The following KNDC1 variants were observed in gnomAD, a reference collection of about 807,000 sequenced individuals.
KNDC1 encodes kinase non-catalytic C-lobe domain containing 1.
Under a neutral mutation model 172.8 loss-of-function variants are expected in KNDC1, and 106 were observed. The observed-to-expected ratio is 0.61, with a 90% CI of 0.52 to 0.72. KNDC1 has a LOEUF of 0.72. KNDC1 is among the 30% of genes least tolerant of loss of function. The probability of loss-of-function intolerance (pLI) is 0.00; values close to 1 mark genes in which losing one functional copy is unlikely to be tolerated. For synonymous variants in KNDC1, 1,083 were observed against 1,062.2 expected (o/e 1.02, Z -0.38); for missense variants, 2,325 against 2,394.5 (o/e 0.97, Z 0.61).
chr10:133,179,817 G>A (rs1434819923), intron 3 of KNDC1, among the ~76,000 whole-genome samples: 3 of 152,052 alleles, frequency 2.0e-5, no homozygotes, highest in African/African-American at 7.2e-5. Context: ...CCGGCTCCCC[G>A]TCGCCCTGTG....
chr10:133,219,853 C>A, intron 28 of KNDC1, 102 bp from the exon 29 acceptor site: 1 of 1,196,480 alleles, frequency 8.4e-7, no homozygotes. Context: ...GTGGAGAACG[C>A]AGGACCCGCT....
rs752992894 is a variant in KNDC1 at position 133,206,759 on chromosome 10, G to A, written c.3462G>A (p.Gln1154=). Residue 1154 remains glutamine, a synonymous_variant, in exon 18 of 30, where the codon CAG becomes CAA. Transcript: ENST00000304613. ...TGAAGTTCTACCAGAAACTCTTACA[G>A]AAGGAAAAGAGGAACAAAGGTAAGG... ...KTLKFYQKLL[Q]KEKRNKGSDV... is the part of the protein sequence containing the mutation. 1.9e-6 allele frequency: 3 copies of A among 1,614,002 alleles called. No individual in the cohort carries two copies. The highest frequency in any genetic ancestry group is 2.7e-5 in the African/African-American group (2 of 74,946).
chr10:133,206,589 AG>A, intron 17 of KNDC1, 95 bp from the exon 18 acceptor site: 1 of 1,001,034 alleles, frequency 1.0e-6, no homozygotes, highest in South Asian at 1.3e-5. Flanking sequence ...CTGATCTCCA[AG>A]GCCAAGGAGG....
intron 26 of KNDC1, 122 bp from the exon 27 acceptor site, chr10:133,218,709 C>T: frequency 3.1e-6 from 4 of 1,310,778 alleles, no homozygotes; most frequent in Non-Finnish European, 4.2e-6. Flanking sequence ...GCTTCCTTTC[C>T]ACACACGTGA....
At chr10:133,202,881 A>T (rs1314865060) in intron 17 of KNDC1, among the ~76,000 whole-genome samples, 2 of 152,136 alleles carry the variant, frequency 1.3e-5, no homozygotes, top group Non-Finnish European at 2.9e-5. Flanking sequence ...GGCTTCGAGG[A>T]CGCAAAGGCC....
chr10:133,177,223 G>T (rs545480255), intron 3 of KNDC1, among the ~76,000 whole-genome samples: 1 of 152,180 alleles, frequency 6.6e-6, no homozygotes, highest in East Asian at 1.9e-4. Context: ...TGTGTGCATG[G>T]TGTGTGCATA....
Position 133,184,317 on chromosome 10 carries a change from C to T in KNDC1, c.625+328C>T, listed in dbSNP as rs1161397401. The stretch of plus-strand genomic sequence containing the variant: ...ACACCCATGCACACACTGCACAACC[C>T]ATGCACACACACCTATGCACATGTG... On this transcript the variant is annotated intron_variant, in intron 5 of 29. Coordinates refer to ENST00000304613, the MANE Select transcript of KNDC1 (RefSeq NM_152643.8). Among the ~76,000 whole-genome samples, 9 of 147,584 alleles carry T rather than the reference C, an allele frequency of 6.1e-5. 1 individual carries two copies. Among genetic ancestry groups the T allele is most frequent in the African/African-American group, 1.5e-4 (6 of 39,884 alleles).
chr10:133,224,890 G>A lies in KNDC1; in HGVS notation c.5250G>A (p.Ter1750=). Residue 1750 remains the stop codon, a stop_retained_variant, in exon 30 of 30, where the codon TAG becomes TAA. Coordinates refer to ENST00000304613, the MANE Select transcript of KNDC1 (RefSeq NM_152643.8). This position sits in a 1 kb window ranked among gnomAD's most constrained non-coding sequence, Gnocchi z 5.4. ...KLRRMKATFQ[*] ...GGAGGATGAAGGCTACATTCCAGTA[G>A]CCGAGCTCGGGCCTGGTGTGGAATT... The A allele has an allele frequency of 6.2e-7, 1 of 1,609,490 alleles. No homozygotes were observed. The highest frequency in any genetic ancestry group is 1.1e-5 in the South Asian group (1 of 90,928).
At position 133,211,700 on chromosome 10, in the gene KNDC1, G is replaced by A; in HGVS notation, c.4078G>A (p.Ala1360Thr). Residue 1360 changes from alanine to threonine, a missense_variant, in exon 23 of 30, where the codon GCC (alanine) becomes ACC (threonine). Ala to Thr is a moderately conservative substitution (Grantham distance 58). Coordinates refer to ENST00000304613, the MANE Select transcript of KNDC1 (RefSeq NM_152643.8). Reference protein sequence around the residue: ...SSKILPLDGSAKHLLGLLEVG... With the variant: ...SSKILPLDGSTKHLLGLLEVG... Reference sequence around the variant, plus strand: ...CTAGATCCTACCCCTGGACGGCTCTGCCAAGCACCTGCTGGGCCTCCTGGA... The same window carrying A: ...CTAGATCCTACCCCTGGACGGCTCTACCAAGCACCTGCTGGGCCTCCTGGA... The A allele has an allele frequency of 6.2e-7, 1 of 1,602,972 alleles. No individual in the cohort carries two copies.
intron 9 of KNDC1, among the ~76,000 whole-genome samples, chr10:133,194,996 C>T (rs976551695): frequency 6.6e-6 from 1 of 152,232 alleles, no homozygotes; most frequent in Non-Finnish European, 1.5e-5. Flanking sequence ...ACTTCCATCT[C>T]ATTTACTGAA....
At chr10:133,212,146 AC>A (rs1009825945) in intron 23 of KNDC1, among the ~76,000 whole-genome samples, 3 of 151,238 alleles carry the variant, frequency 2.0e-5, no homozygotes, top group African/African-American at 7.3e-5. Flanking sequence ...GCACCTTCAC[AC>A]AGCCATACAT....
chr10:133,167,592 T>TGGCGGTGGCGGCGGC lies in KNDC1; in HGVS notation c.301+19_301+33dup. 6.4e-7 allele frequency: 1 copy of TGGCGGTGGCGGCGGC among 1,566,666 alleles called. No homozygotes were observed. On this transcript the variant is annotated intron_variant, in intron 2 of 29. Transcript: ENST00000304613. ...GAGCAGCTCAGCGGTGAGGCGGCGG[T>TGGCGGTGGCGGCGGC]GGCGGTGGCGGCGGCGGCGGGCACG...
At position 133,198,704 on chromosome 10, in the gene KNDC1, G is replaced by C; in HGVS notation, c.2196G>C (p.Pro732=). ...GSPSLKTPDG[P]VPGPGPQGAA... ...CCAGCCTGAAGACGCCTGACGGGCC[G>C]GTGCCTGGTCCGGGGCCACAGGGAG... The change falls in exon 14 of 30, where the codon CCG becomes CCC. Residue 732 remains proline (P), a synonymous_variant. Transcript: ENST00000304613. 1 of 1,578,448 alleles carries C rather than the reference G, an allele frequency of 6.3e-7. No individual in the cohort carries two copies. Among genetic ancestry groups the C allele is most frequent in the Non-Finnish European group, 8.6e-7 (1 of 1,162,984 alleles).
chr10:133,201,108 C>A (rs1162579818), intron 16 of KNDC1, among the ~76,000 whole-genome samples: 1 of 152,212 alleles, frequency 6.6e-6, no homozygotes, highest in Non-Finnish European at 1.5e-5. Context: ...GAAGCTCCCG[C>A]AGGGACAGAG....
At chr10:133,166,437 G>A (rs995511072) in intron 1 of KNDC1, among the ~76,000 whole-genome samples, 4 of 149,040 alleles carry the variant, frequency 2.7e-5, no homozygotes, top group Non-Finnish European at 1.5e-5. Flanking sequence ...CCAAGTGTGG[G>A]AATGGGTGTG....
intron 3 of KNDC1, among the ~76,000 whole-genome samples, chr10:133,170,806 C>T (rs1425981804): frequency 1.3e-5 from 2 of 152,222 alleles, no homozygotes; most frequent in Admixed American, 6.5e-5. Flanking sequence ...TGCATTCAGT[C>T]GGCTGTGATA....
At position 133,197,034 on chromosome 10, in the gene KNDC1, G is replaced by A. The variant is rs764249720; in HGVS notation, c.1735-24G>A. On this transcript the variant is annotated intron_variant, in intron 10 of 29. Coordinates refer to ENST00000304613, the MANE Select transcript of KNDC1 (RefSeq NM_152643.8). ...AGCCGTGGCTGAGGCCTGTCGGGACGTGTGAACTGTCTCCTCCCTCCAGGT... is the reference window on the plus strand; with the variant it reads ...AGCCGTGGCTGAGGCCTGTCGGGACATGTGAACTGTCTCCTCCCTCCAGGT... 19 of 1,600,494 alleles carry A rather than the reference G, an allele frequency of 1.2e-5. 1 individual carries two copies. The highest frequency in any genetic ancestry group is 3.3e-4 in the Middle Eastern group (2 of 6,032).
At chr10:133,197,422 C>T (rs543376694) in intron 11 of KNDC1, among the ~76,000 whole-genome samples, 1 of 152,314 alleles carries the variant, frequency 6.6e-6, no homozygotes, top group South Asian at 2.1e-4. Flanking sequence ...GGCCCTGAGT[C>T]TCGGGTGGTG....
intron 7 of KNDC1, 146 bp downstream of exon 7, chr10:133,188,799 G>GT (rs1853998284): frequency 2.1e-5 from 12 of 579,992 alleles, no homozygotes; most frequent in Non-Finnish European, 3.8e-5. Context: ...CGTCCCATGC[G>GT]TAACTGGCCC....
Sources: allele counts gnomAD v4.1 joint callset (sites outside exome capture counted in the v4.1 genomes callset), GRCh38; gene constraint gnomAD v4.1.1; non-coding constraint Gnocchi (gnomAD v3.1); transcripts MANE v1.5; gene names NCBI Gene and HGNC (gene_info 2026-07-23, HGNC 2026-07-21).